SAP30BP: variants seen among roughly 807,000 people sequenced by gnomAD.
The protein encoded by SAP30BP is SAP30-binding protein.
Under a neutral mutation model 46.3 loss-of-function variants are expected in SAP30BP, and 31 were observed. The ratio of observed to expected loss-of-function variants is 0.67; its 90% confidence interval spans 0.50 to 0.90. The LOEUF (loss-of-function observed/expected upper bound fraction) is 0.90. Among genes scored for constraint, SAP30BP ranks in the 40% least tolerant of loss-of-function variants. The probability of loss-of-function intolerance (pLI) is 0.00; values close to 1 mark genes in which losing one functional copy is unlikely to be tolerated. For synonymous variants in SAP30BP, 169 were observed against 144.2 expected (o/e 1.17, Z -1.23); for missense variants, 312 against 391.0 (o/e 0.80, Z 1.70).
intron 5 of SAP30BP, among the ~76,000 whole-genome samples, chr17:75,701,265 C>T (rs1000824873): frequency 3.9e-5 from 6 of 152,232 alleles, no homozygotes; most frequent in African/African-American, 9.6e-5. Flanking sequence ...TATTTAACCC[C>T]CACTGCAGGG....
intron 3 of SAP30BP, among the ~76,000 whole-genome samples, chr17:75,686,724 A>G (rs943101328): frequency 1.3e-5 from 2 of 152,114 alleles, no homozygotes; most frequent in Non-Finnish European, 2.9e-5. Context: ...GGCCGACAGG[A>G]TACAACTAAA....
intron 3 of SAP30BP, among the ~76,000 whole-genome samples, chr17:75,688,736 T>C (rs1330955511): frequency 6.6e-6 from 1 of 152,222 alleles, no homozygotes; most frequent in Non-Finnish European, 1.5e-5. Context: ...CGTGGGTCTA[T>C]ATTGTTGTTA....
At chr17:75,669,625 A>C (rs1320317494) in intron 2 of SAP30BP, among the ~76,000 whole-genome samples, 5 of 152,164 alleles carry the variant, frequency 3.3e-5, no homozygotes, top group Non-Finnish European at 7.3e-5. Context: ...TTCTGGCCTC[A>C]AGCAATTCCC....
intron 3 of SAP30BP, among the ~76,000 whole-genome samples, chr17:75,688,981 G>T (rs549227813): frequency 6.6e-6 from 1 of 152,102 alleles, no homozygotes; most frequent in Admixed American, 6.5e-5. Context: ...TGCTCTGGTT[G>T]TTGGGCCTTT....
At chr17:75,690,062 A>G (rs2060219519) in intron 3 of SAP30BP, among the ~76,000 whole-genome samples, 2 of 152,336 alleles carry the variant, frequency 1.3e-5, no homozygotes, top group South Asian at 4.1e-4. Context: ...CTTACTTATC[A>G]TTACACAATA....
chr17:75,668,710 C>A, intron 2 of SAP30BP, 85 bp downstream of exon 2: 1 of 858,912 alleles, frequency 1.2e-6, no homozygotes. Flanking sequence ...TGTTCCATTT[C>A]ATGGTTAGCT....
chr17:75,676,443 A>G (rs1292755620), intron 3 of SAP30BP, among the ~76,000 whole-genome samples: 1 of 152,210 alleles, frequency 6.6e-6, no homozygotes, highest in African/African-American at 2.4e-5. Context: ...GGAGCAATAC[A>G]TTTTTTAAGA....
chr17:75,706,546 A>G lies in SAP30BP; in HGVS notation c.*25A>G. The G allele has an allele frequency of 6.2e-7, 1 of 1,610,244 alleles. No homozygotes were observed. Among genetic ancestry groups the G allele is most frequent in the Non-Finnish European group, 8.5e-7 (1 of 1,177,084 alleles). On this transcript the variant is annotated 3_prime_UTR_variant, in exon 11 of 11. Coordinates refer to ENST00000584667, the MANE Select transcript of SAP30BP (RefSeq NM_013260.8). The surrounding 1 kb of genome is among the most constrained non-coding windows in gnomAD (Gnocchi z 4.6). ...ACCTGAGGGGCCACCCTAGGACTTGAAAGGACCGTGCAGCCCAGTGACCAC... is the reference window on the plus strand; with the variant it reads ...ACCTGAGGGGCCACCCTAGGACTTGGAAGGACCGTGCAGCCCAGTGACCAC...
intron 9 of SAP30BP, 50 bp downstream of exon 9, chr17:75,704,864 G>A (rs1173852056): frequency 6.9e-7 from 1 of 1,438,938 alleles, no homozygotes. Context: ...TGGAGTGCAT[G>A]GGTCCTGCTG....
chr17:75,705,013 C>T (rs1310456254), intron 9 of SAP30BP, 199 bp downstream of exon 9: 6 of 582,690 alleles, frequency 1.0e-5, no homozygotes, highest in South Asian at 2.0e-5. Flanking sequence ...CTTTTGCCCT[C>T]GGAGACTTGT....
In SAP30BP at chr17:75,667,385, A is replaced by T. The variant is rs1000278223; in HGVS notation, c.13A>T (p.Lys5Ter). MAGK[K>*]NVLSSLAVYA... ...CTGTGGGAATAAGATGGCGGGGAAG[A>T]AGAATGTTCTGTCGTCTCTCGCAGT... The change falls in exon 1 of 11, where the codon AAG becomes TAG. Residue 5 changes from lysine (K) to a stop codon, truncating the protein, a stop_gained. Coordinates refer to ENST00000584667, the MANE Select transcript of SAP30BP (RefSeq NM_013260.8). LOFTEE classifies it high-confidence loss of function. 1 of 1,614,088 alleles carries T rather than the reference A, an allele frequency of 6.2e-7. No individual in the cohort carries two copies. The highest frequency in any genetic ancestry group is 1.3e-5 in the African/African-American group (1 of 74,926).
Position 75,699,769 on chromosome 17 carries a change from T to C in SAP30BP, c.308-14T>C, listed in dbSNP as rs761653206. ...AATCCCCACCTACAGAATTTTTCCT[T>C]CTTCTCTCAACAGCCTCCTTTTCTG... On this transcript the variant is annotated splice_polypyrimidine_tract_variant and intron_variant, in intron 4 of 10. Coordinates refer to ENST00000584667, the MANE Select transcript of SAP30BP (RefSeq NM_013260.8). 7.5e-6 allele frequency: 12 copies of C among 1,605,358 alleles called. No individual in the cohort carries two copies. In the East Asian group the frequency reaches 1.3e-4, roughly 18 times the overall value.
At chr17:75,691,796 A>G (rs2060247027) in intron 3 of SAP30BP, 1 of 268,154 alleles carries the variant, frequency 3.7e-6, no homozygotes, top group Admixed American at 5.0e-5. Context: ...GCACCCAGAA[A>G]GCTGTTCTCT....
Position 75,676,035 on chromosome 17 carries a change from G to A in SAP30BP, c.264+4172G>A, listed in dbSNP as rs571763884. Among the ~76,000 whole-genome samples, 11 of 152,330 alleles carry A rather than the reference G, an allele frequency of 7.2e-5. No homozygotes were observed. In the South Asian group the frequency reaches 8.3e-4, roughly 11 times the overall value. On this transcript the variant is annotated intron_variant, in intron 3 of 10. Coordinates refer to ENST00000584667, the MANE Select transcript of SAP30BP (RefSeq NM_013260.8). ...TCACCACTTTACAAATCTCTTTAAT[G>A]TCTGGCTTAATAGAATATGGCTGGG...
At chr17:75,676,171 A>G (rs2059987629) in intron 3 of SAP30BP, among the ~76,000 whole-genome samples, 1 of 152,232 alleles carries the variant, frequency 6.6e-6, no homozygotes, top group African/African-American at 2.4e-5. Context: ...CATGGAATGC[A>G]AAGCCTTACC....
At chr17:75,703,233 G>A in intron 6 of SAP30BP, 78 bp from the exon 7 acceptor site, 1 of 1,367,516 alleles carries the variant, frequency 7.3e-7, no homozygotes, top group Non-Finnish European at 1.0e-6. Context: ...TTTTGTGTCA[G>A]CCCCAGGAGC....
chr17:75,705,254 T>G (rs2060478247), intron 9 of SAP30BP: 1 of 192,430 alleles, frequency 5.2e-6, no homozygotes, highest in Non-Finnish European at 1.1e-5. Flanking sequence ...GAGCACCACT[T>G]GTTCCCTGGC....
intron 2 of SAP30BP, among the ~76,000 whole-genome samples, chr17:75,670,202 G>A (rs2059887899): frequency 6.6e-6 from 1 of 151,938 alleles, no homozygotes. Flanking sequence ...CGCACCTGTA[G>A]TCCCACCTAC....
At position 75,699,818 on chromosome 17, in the gene SAP30BP, G is replaced by A; in HGVS notation, c.343G>A (p.Asp115Asn). The change falls in exon 5 of 11, where the codon GAT (aspartate) becomes AAT (asparagine). Residue 115 changes from aspartate (D) to asparagine (N), a missense_variant. This residue lies in a region of SAP30BP where 296 missense variants were observed against 346.6 expected (regional missense o/e 0.85). Coordinates refer to ENST00000584667, the MANE Select transcript of SAP30BP (RefSeq NM_013260.8). ...FSERVRNMSP[D>N]EIKIPPEPPG... ...TGAAAGAGTTCGGAACATGTCGCCT[G>A]ATGAAATCAAGATCCCGCCAGAACC... 2 of 1,613,636 alleles carry A rather than the reference G, an allele frequency of 1.2e-6. No homozygotes were observed. The highest frequency in any genetic ancestry group is 1.7e-6 in the Non-Finnish European group (2 of 1,179,640).
Sources: allele counts gnomAD v4.1 joint callset (sites outside exome capture counted in the v4.1 genomes callset), GRCh38; gene constraint gnomAD v4.1.1; regional missense constraint gnomAD v4.1.1; non-coding constraint Gnocchi (gnomAD v3.1); transcripts MANE v1.5; gene names NCBI Gene and HGNC (gene_info 2026-07-23, HGNC 2026-07-21).